Variants in COLQ observed in about 807,000 individuals in gnomAD.
The protein encoded by COLQ is acetylcholinesterase collagenic tail peptide.
Under a neutral mutation model 69.0 loss-of-function variants are expected in COLQ, and 48 were observed. The observed-to-expected ratio is 0.70, with a 90% CI of 0.55 to 0.88. The LOEUF (loss-of-function observed/expected upper bound fraction) is 0.88, where lower values mean the gene tolerates loss of function less well. COLQ is among the 40% of genes least tolerant of loss of function. COLQ has a pLI of 0.00. For missense variants in COLQ, 618 were observed against 594.6 expected (o/e 1.04, Z -0.41); for synonymous variants, 217 against 211.2 (o/e 1.03, Z -0.24).
chr3:15,475,270 A>G, intron 7 of COLQ, 155 bp downstream of exon 7: 1 of 774,712 alleles, frequency 1.3e-6, no homozygotes. Flanking sequence ...CCAGGGCATG[A>G]TGTTCTCCAA....
intron 11 of COLQ, among the ~76,000 whole-genome samples, chr3:15,466,906 T>G (rs928113948): frequency 3.3e-5 from 5 of 152,184 alleles, no homozygotes; most frequent in Non-Finnish European, 7.4e-5. Flanking sequence ...TCAAGACCCT[T>G]CTCTCTGCCC....
chr3:15,466,967 C>T (rs1224926439), intron 11 of COLQ, among the ~76,000 whole-genome samples: 1 of 152,242 alleles, frequency 6.6e-6, no homozygotes, highest in Non-Finnish European at 1.5e-5. Flanking sequence ...CACCCTTTGG[C>T]TCTCAGCTCA....
At chr3:15,491,193 G>GA (rs1214114604) in intron 1 of COLQ, among the ~76,000 whole-genome samples, 9 of 149,652 alleles carry the variant, frequency 6.0e-5, no homozygotes, top group Non-Finnish European at 1.0e-4. Flanking sequence ...AAAAAAAGAA[G>GA]AAAAAAAAAG....
At chr3:15,469,214 C>T (rs1204839034) in intron 11 of COLQ, among the ~76,000 whole-genome samples, 1 of 152,038 alleles carries the variant, frequency 6.6e-6, no homozygotes, top group African/African-American at 2.4e-5. Flanking sequence ...TTTATGATTC[C>T]AACGGAATTA....
chr3:15,456,117 G>T, intron 14 of COLQ, 98 bp from the exon 15 acceptor site: 1 of 1,414,412 alleles, frequency 7.1e-7, no homozygotes, highest in Non-Finnish European at 9.8e-7. Flanking sequence ...ACTGCTGGGG[G>T]GCATGCCTTG....
At chr3:15,492,018 A>T (rs1268259043) in intron 1 of COLQ, among the ~76,000 whole-genome samples, 1 of 151,906 alleles carries the variant, frequency 6.6e-6, no homozygotes. Flanking sequence ...AGATTGTGCC[A>T]CTGCACTCCA....
chr3:15,504,432 A>C (rs1035867804), intron 1 of COLQ, among the ~76,000 whole-genome samples: 15 of 152,144 alleles, frequency 9.9e-5, no homozygotes, highest in African/African-American at 3.4e-4. Flanking sequence ...CTCTCTTCGG[A>C]ACACATCCTT....
At chr3:15,509,395 C>A (rs1284213937) in intron 1 of COLQ, among the ~76,000 whole-genome samples, 1 of 152,226 alleles carries the variant, frequency 6.6e-6, no homozygotes, top group African/African-American at 2.4e-5. Flanking sequence ...AGTGGACACT[C>A]TCAGGATTGC....
At chr3:15,458,427 C>T (rs1467950184) in intron 12 of COLQ, 102 bp from the exon 13 acceptor site, 12 of 1,315,228 alleles carry the variant, frequency 9.1e-6, no homozygotes, top group Non-Finnish European at 1.3e-5. Flanking sequence ...GGTTAAAGTC[C>T]ACAGCATTTC....
At position 15,470,529 on chromosome 3, in the gene COLQ, TC is replaced by T; in HGVS notation, c.717+6del. 6.2e-7 allele frequency: 1 copy of T among 1,613,062 alleles called. No homozygotes were observed. The highest frequency in any genetic ancestry group is 8.5e-7 in the Non-Finnish European group (1 of 1,179,702). On this transcript the variant is annotated splice_donor_region_variant and intron_variant, in intron 11 of 16. Transcript: ENST00000383788. The stretch of plus-strand genomic sequence containing the variant: ...CTCAGGCGGGTGGTAAGCCCTGGGA[TC>T]CTTACCTGCTTGCCTCGTTTTCCTG...
intron 1 of COLQ, among the ~76,000 whole-genome samples, chr3:15,504,636 A>C (rs1053393841): frequency 1.1e-4 from 16 of 152,188 alleles, no homozygotes; most frequent in African/African-American, 3.4e-4. Flanking sequence ...AGGCAGGTAG[A>C]TCACTTGAGG....
At chr3:15,492,270 T>C (rs773582643) in intron 1 of COLQ, among the ~76,000 whole-genome samples, 12 of 152,116 alleles carry the variant, frequency 7.9e-5, no homozygotes, top group Non-Finnish European at 1.6e-4. Context: ...TTTTCTGAAA[T>C]AATAAACAAC....
intron 1 of COLQ, among the ~76,000 whole-genome samples, chr3:15,496,688 T>C (rs984722018): frequency 2.6e-5 from 4 of 152,218 alleles, no homozygotes; most frequent in South Asian, 2.1e-4. Context: ...ATCAAGCTCA[T>C]GTTGTATGTG....
At chr3:15,474,810 TG>T in intron 8 of COLQ, 114 bp downstream of exon 8, 2 of 1,212,604 alleles carry the variant, frequency 1.6e-6, no homozygotes, top group Non-Finnish European at 2.4e-6. Flanking sequence ...TAGCTAGGGA[TG>T]GTGGCTTCAG....
intron 3 of COLQ, among the ~76,000 whole-genome samples, chr3:15,481,574 T>C (rs1018089458): frequency 1.3e-5 from 2 of 152,192 alleles, no homozygotes; most frequent in Admixed American, 1.3e-4. Context: ...TTGGTCTATA[T>C]CTCTGTTTTG....
At chr3:15,509,823 C>A (rs2062959464) in intron 1 of COLQ, among the ~76,000 whole-genome samples, 1 of 152,236 alleles carries the variant, frequency 6.6e-6, no homozygotes, top group Admixed American at 6.5e-5. Flanking sequence ...CCCAACTCAG[C>A]CTCAGGCTTT....
chr3:15,461,200 C>A (rs1359519611), intron 12 of COLQ, among the ~76,000 whole-genome samples: 1 of 148,758 alleles, frequency 6.7e-6, no homozygotes, highest in African/African-American at 2.5e-5. Context: ...CCCCCCCCGA[C>A]CTCTTAGCCC....
At chr3:15,497,364 A>G (rs2062760854) in intron 1 of COLQ, among the ~76,000 whole-genome samples, 1 of 152,114 alleles carries the variant, frequency 6.6e-6, no homozygotes, top group Admixed American at 6.6e-5. Flanking sequence ...CCTTTTTAAA[A>G]TAAGTATGAC....
chr3:15,479,352 G>C lies in COLQ; in HGVS notation c.352C>G (p.Pro118Ala). 1 of 1,614,064 alleles carries C rather than the reference G, an allele frequency of 6.2e-7. No homozygotes were observed. Among genetic ancestry groups the C allele is most frequent in the Non-Finnish European group, 8.5e-7 (1 of 1,179,952 alleles). The change falls in exon 4 of 17, where the codon CCA (proline) becomes GCA (alanine). Residue 118 changes from proline to alanine, a missense_variant. Physicochemically the swap from Pro to Ala is conservative, Grantham distance 27 (BLOSUM62 -1). Coordinates refer to ENST00000383788, the MANE Select transcript of COLQ (RefSeq NM_005677.4). ...GPPGLPGKTG[P>A]KGEKGELGRP... Reference sequence around the variant, plus strand: ...GTGGTCCATACCTTTTCTCCCTTTGGTCCTGTCTTGCCAGGAAGCCCCGGT... The same window carrying C: ...GTGGTCCATACCTTTTCTCCCTTTGCTCCTGTCTTGCCAGGAAGCCCCGGT...
Sources: allele counts gnomAD v4.1 joint callset (sites outside exome capture counted in the v4.1 genomes callset), GRCh38; gene constraint gnomAD v4.1.1; transcripts MANE v1.5; gene names NCBI Gene and HGNC (gene_info 2026-07-23, HGNC 2026-07-21).